Variants in CADPS2 observed in about 807,000 individuals in gnomAD.
CADPS2 encodes calcium-dependent secretion activator 2.
A neutral mutation model predicts 172.5 loss-of-function variants in CADPS2; 93 were observed. The observed-to-expected ratio is 0.54, with a 90% confidence interval of 0.46 to 0.64. The LOEUF (loss-of-function observed/expected upper bound fraction) is 0.64. Ranked by LOEUF, CADPS2 falls within the 30% of genes least tolerant of loss-of-function variation. CADPS2 has a pLI of 0.00. For synonymous variants in CADPS2, 546 were observed against 555.2 expected, an observed-to-expected ratio of 0.98 and a Z score of 0.23; for missense variants, 1,420 against 1,565.9, an observed-to-expected ratio of 0.91 and a Z score of 1.57.
chr7:122,838,018 C>T (rs1005607891), intron 1 of CADPS2, among the ~76,000 whole-genome samples: 14 of 152,126 alleles, frequency 9.2e-5, no homozygotes, highest in Non-Finnish European at 1.8e-4. Context: ...AATATTGATG[C>T]AAAAATCCTC....
intron 7 of CADPS2, among the ~76,000 whole-genome samples, chr7:122,580,236 C>G (rs1162812639): frequency 2.6e-5 from 4 of 152,018 alleles, no homozygotes; most frequent in Non-Finnish European, 5.9e-5. Context: ...GAGTGGATCA[C>G]TTGAGGTCAG....
At chr7:122,776,893 G>A (rs2093900455) in intron 1 of CADPS2, among the ~76,000 whole-genome samples, 1 of 152,204 alleles carries the variant, frequency 6.6e-6, no homozygotes, top group African/African-American at 2.4e-5. Flanking sequence ...GCTCATGCCT[G>A]TAATGCCAGC....
chr7:122,367,539 GTTTTT>G (rs202155427), intron 25 of CADPS2, among the ~76,000 whole-genome samples: 1,077 of 100,654 alleles, frequency 0.011, 17 homozygotes, highest in African/African-American at 0.041. Flanking sequence ...CCTTCCCCCA[GTTTTT>G]TTTTTTTTTT....
rs755438406 is a variant in CADPS2 at position 122,698,354 on chromosome 7, G to A, written c.454-34785C>T. On this transcript the variant is annotated intron_variant, in intron 2 of 29. Transcript: ENST00000449022. ...ACAATCACAAAAGAGACCAAATAGT[G>A]ATTCATCCAGATGATGTGCTTTCTC... 1.2e-5 allele frequency: 19 copies of A among 1,613,322 alleles called. No homozygotes were observed. The South Asian group carries it at 2.0e-4, about 17-fold the overall frequency.
At chr7:122,641,143 T>C (rs2077598469) in intron 3 of CADPS2, among the ~76,000 whole-genome samples, 2 of 152,146 alleles carry the variant, frequency 1.3e-5, no homozygotes, top group South Asian at 2.1e-4. Flanking sequence ...ATAGATTACT[T>C]TGCTCACAGA....
At chr7:122,678,844 C>T (rs1018821850) in intron 2 of CADPS2, among the ~76,000 whole-genome samples, 1 of 133,848 alleles carries the variant, frequency 7.5e-6, no homozygotes, top group Non-Finnish European at 1.6e-5. Context: ...TCAGGGACCT[C>T]GAATGGAGGG....
chr7:122,696,007 C>G (rs1366385824), intron 2 of CADPS2, among the ~76,000 whole-genome samples: 1 of 152,180 alleles, frequency 6.6e-6, no homozygotes, highest in East Asian at 1.9e-4. Context: ...ACTCTAGGTG[C>G]AGGGACTGCC....
intron 1 of CADPS2, among the ~76,000 whole-genome samples, chr7:122,814,185 G>GAA (rs148266415): frequency 0.2 from 28,498 of 146,014 alleles, 2,784 homozygotes; most frequent in Middle Eastern, 0.29. Context: ...ATTTGGAAGG[G>GAA]AAAAAAAAAA....
At chr7:122,338,395 GA>G in intron 28 of CADPS2, among the ~76,000 whole-genome samples, 1 of 151,938 alleles carries the variant, frequency 6.6e-6, no homozygotes, top group Non-Finnish European at 1.5e-5. Flanking sequence ...CTCTGTCTCA[GA>G]AAAAAACAAA....
intron 1 of CADPS2, among the ~76,000 whole-genome samples, chr7:122,750,766 A>G (rs574877444): frequency 6.6e-6 from 1 of 152,248 alleles, no homozygotes; most frequent in Non-Finnish European, 1.5e-5. Context: ...GCAGGTACGA[A>G]AGACCTACCC....
At chr7:122,656,602 G>A (rs1024163670) in intron 3 of CADPS2, among the ~76,000 whole-genome samples, 1 of 152,092 alleles carries the variant, frequency 6.6e-6, no homozygotes, top group Non-Finnish European at 1.5e-5. Context: ...AATCAGATTA[G>A]AGGACACTCC....
intron 6 of CADPS2, among the ~76,000 whole-genome samples, chr7:122,602,976 C>A (rs899898382): frequency 1.3e-5 from 2 of 151,986 alleles, no homozygotes; most frequent in Admixed American, 1.3e-4. Flanking sequence ...GACATGGCTG[C>A]AAAATTACTG....
chr7:122,399,027 T>A (rs924983021), intron 20 of CADPS2, among the ~76,000 whole-genome samples: 1 of 152,120 alleles, frequency 6.6e-6, no homozygotes, highest in Non-Finnish European at 1.5e-5. Flanking sequence ...CATTAACTAG[T>A]ATAATAACCC....
chr7:122,595,160 CA>C (rs36106438), intron 6 of CADPS2, among the ~76,000 whole-genome samples: 16,785 of 130,734 alleles, frequency 0.13, 1,103 homozygotes, highest in African/African-American at 0.21. Context: ...TTATATGAAC[CA>C]AAAAAAAAAA....
At chr7:122,662,677 T>C (rs948591514) in intron 3 of CADPS2, among the ~76,000 whole-genome samples, 9 of 152,138 alleles carry the variant, frequency 5.9e-5, no homozygotes, top group African/African-American at 2.2e-4. Context: ...CTGGCCTTTA[T>C]CCCATTTTTG....
intron 9 of CADPS2, among the ~76,000 whole-genome samples, chr7:122,492,861 C>A (rs2058422489): frequency 6.6e-6 from 1 of 151,944 alleles, no homozygotes; most frequent in African/African-American, 2.4e-5. Context: ...CATGCCCAGC[C>A]AATTTTTAAA....
intron 8 of CADPS2, among the ~76,000 whole-genome samples, chr7:122,527,607 AGAGAGAGAGAGT>A (rs1396278237): frequency 1.4e-4 from 17 of 123,542 alleles, no homozygotes; most frequent in African/African-American, 4.8e-4. Context: ...AGAGAGAGAG[AGAGAGAGAGAGT>A]GTGTGTGTGT....
chr7:122,504,342 CT>C (rs1003309280), intron 9 of CADPS2, among the ~76,000 whole-genome samples: 1 of 152,040 alleles, frequency 6.6e-6, no homozygotes, highest in Non-Finnish European at 1.5e-5. Context: ...TCACTTTATT[CT>C]TTTTGAGTCT....
In CADPS2 at chr7:122,730,991, A is replaced by T. The variant is rs536443676; in HGVS notation, c.453+5964T>A. ...AATTTCATAATAAACATATTGAAAA[A>T]TTTTTTTTTAATTCATTGAAGGAAT... On this transcript the variant is annotated intron_variant, in intron 2 of 29. Coordinates refer to ENST00000449022, the MANE Select transcript of CADPS2 (RefSeq NM_017954.11). Among the ~76,000 whole-genome samples the T allele has an allele frequency of 5.6e-4, 72 of 128,338 alleles. 1 individual carries two copies. Among genetic ancestry groups the T allele is most frequent in the South Asian group, 1.3e-3 (5 of 3,878 alleles). 84.2% of individuals were successfully genotyped at this position (128,338 alleles called of 152,430 possible). A position where few individuals can be genotyped will look rare whatever the true frequency, so the allele number is the denominator to read the frequency against.
Sources: gnomAD v4.1 joint callset for allele counts (sites outside exome capture counted in the v4.1 genomes callset) on GRCh38, gnomAD v4.1.1 for gene constraint, MANE v1.5 for transcripts, NCBI Gene and HGNC (gene_info 2026-07-23, HGNC 2026-07-21) for gene names.